The following CIMAP1A variants were observed in gnomAD, a reference collection of about 807,000 sequenced individuals.
CIMAP1A encodes ciliary microtubule associated protein 1A, also known as cancer/testis antigen 135.
At chr11:199,346 T>C in the CIMAP1A span, 3 of 1,558,372 alleles carry the variant, frequency 1.9e-6, no homozygotes, top group African/African-American at 4.1e-5. Flanking sequence ...GCCGAGTTGG[T>C]CTGAGCCTCC....
the CIMAP1A span, chr11:199,051 C>G: frequency 8.1e-7 from 1 of 1,231,500 alleles, no homozygotes; most frequent in South Asian, 2.1e-5. Flanking sequence ...GTTGATTTTG[C>G]CAGCCCCAGG....
chr11:197,291 G>T, the CIMAP1A span: 1 of 1,553,020 alleles, frequency 6.4e-7, no homozygotes, highest in African/African-American at 1.4e-5. Flanking sequence ...TCTCACTTAC[G>T]GACAGAGCTG....
the CIMAP1A span, chr11:200,062 C>T: frequency 3.7e-3 from 6,007 of 1,609,846 alleles, 48 homozygotes; most frequent in African/African-American, 0.029. Context: ...CCATCACACC[C>T]GGCATCTACA....
At chr11:198,799 T>TGA in the CIMAP1A span, 1 of 1,419,660 alleles carries the variant, frequency 7.0e-7, no homozygotes, top group Middle Eastern at 1.9e-4. Flanking sequence ...GGCCCCAGCA[T>TGA]GGACCGTGCT....
the CIMAP1A span, chr11:197,859 G>A: frequency 6.6e-7 from 1 of 1,509,422 alleles, no homozygotes; most frequent in Non-Finnish European, 8.9e-7. Flanking sequence ...GTGTGGGAGA[G>A]CTCAGCCATC....
the CIMAP1A span, chr11:199,899 T>C: frequency 6.2e-7 from 1 of 1,607,252 alleles, no homozygotes; most frequent in Admixed American, 1.7e-5. Context: ...GACCTGCAGG[T>C]GGGGGCAGGG....
the CIMAP1A span, chr11:198,816 A>C: frequency 7.2e-7 from 1 of 1,397,838 alleles, no homozygotes; most frequent in Non-Finnish European, 9.3e-7. Context: ...TGCTGAGGAC[A>C]AGAGATGGGG....
At chr11:199,870 C>T in the CIMAP1A span, 4 of 1,571,756 alleles carry the variant, frequency 2.5e-6, no homozygotes, top group South Asian at 4.7e-5. Context: ...GACAGCAGCC[C>T]AGCCCCAGCC....
the CIMAP1A span, chr11:199,390 C>A: frequency 1.9e-6 from 3 of 1,574,604 alleles, no homozygotes; most frequent in East Asian, 7.0e-5. Flanking sequence ...CGCAGCCTAC[C>A]GCCAAACTGA....
chr11:197,973 C>T, the CIMAP1A span: 1 of 1,528,598 alleles, frequency 6.5e-7, no homozygotes, highest in South Asian at 1.2e-5. Context: ...CCTTTCTCTG[C>T]CAGGCCGACG....
the CIMAP1A span, chr11:199,898 G>A: frequency 1.9e-6 from 3 of 1,607,510 alleles, no homozygotes; most frequent in Non-Finnish European, 2.5e-6. Context: ...AGACCTGCAG[G>A]TGGGGGCAGG....
the CIMAP1A span, chr11:198,577 C>G: frequency 2.5e-6 from 4 of 1,608,244 alleles, no homozygotes; most frequent in Non-Finnish European, 3.4e-6. Flanking sequence ...CAGCGACGAC[C>G]TACACAAGGC....
the CIMAP1A span, chr11:199,114 TTC>T: frequency 7.4e-7 from 1 of 1,356,544 alleles, no homozygotes; most frequent in Non-Finnish European, 9.5e-7. Context: ...CTCAGCGATG[TTC>T]CCAGGACTGG....
chr11:197,055 A>G, the CIMAP1A span: 2 of 355,172 alleles, frequency 5.6e-6, no homozygotes, highest in Non-Finnish European at 1.0e-5. Context: ...TGGTGAGTTA[A>G]GGGCCAGCAT....
the CIMAP1A span, chr11:198,444 G>T: frequency 6.2e-7 from 1 of 1,613,220 alleles, no homozygotes; most frequent in Admixed American, 1.7e-5. Flanking sequence ...CCGGCCTGAG[G>T]CTCCACGTCC....
At chr11:197,955 G>T in the CIMAP1A span, 1 of 1,521,944 alleles carries the variant, frequency 6.6e-7, no homozygotes, top group East Asian at 2.4e-5. Context: ...GTCCAGCTCC[G>T]ACCTGGACCT....
chr11:199,385 C>T, the CIMAP1A span: 2 of 1,573,932 alleles, frequency 1.3e-6, no homozygotes, highest in South Asian at 1.2e-5. Context: ...GGTCCCGCAG[C>T]CTACCGCCAA....
At chr11:197,456 G>A in the CIMAP1A span, 48 of 1,588,728 alleles carry the variant, frequency 3.0e-5, no homozygotes, top group Middle Eastern at 1.7e-4. Flanking sequence ...GGAGCCAGGC[G>A]GGCAGGTGGG....
chr11:197,625 G>T, the CIMAP1A span: 1 of 1,613,406 alleles, frequency 6.2e-7, no homozygotes, highest in Non-Finnish European at 8.5e-7. Flanking sequence ...GGGCCCCCAT[G>T]CTCCTGGCAG....
Sources: allele counts gnomAD v4.1 joint callset, GRCh38; gene constraint gnomAD v4.1.1; transcripts MANE v1.5; gene names NCBI Gene and HGNC (gene_info 2026-07-23, HGNC 2026-07-21).